KCNT2: variants seen among roughly 807,000 people sequenced by gnomAD.
The protein encoded by KCNT2 is potassium channel subfamily T member 2.
In KCNT2, 67 loss-of-function variants were observed where a neutral mutation model predicts 153.8. The ratio of observed to expected loss-of-function variants is 0.44; its 90% CI spans 0.36 to 0.53. The LOEUF (loss-of-function observed/expected upper bound fraction) is 0.53. Ranked by LOEUF, KCNT2 falls within the 20% of genes least tolerant of loss-of-function variation. The pLI is 0.00. For missense variants in KCNT2, 975 were observed against 1,354.8 expected (o/e 0.72, Z 4.40); for synonymous variants, 500 against 458.8 (o/e 1.09, Z -1.15).
chr1:196,521,839 T>C (rs1653466199), intron 1 of KCNT2, among the ~76,000 whole-genome samples: 1 of 152,056 alleles, frequency 6.6e-6, no homozygotes, highest in African/African-American at 2.4e-5. Flanking sequence ...AAAACAACTA[T>C]TGGGTACTAG....
intron 7 of KCNT2, among the ~76,000 whole-genome samples, chr1:196,466,844 G>A (rs1196207621): frequency 6.6e-6 from 1 of 152,004 alleles, no homozygotes; most frequent in Non-Finnish European, 1.5e-5. Context: ...ACTAAAGCCT[G>A]TGGTAAAAAT....
chr1:196,257,258 A>G, intron 26 of KCNT2: 1 of 985,154 alleles, frequency 1.0e-6, no homozygotes, highest in Non-Finnish European at 1.2e-6. Context: ...TGCTAACTTA[A>G]TATGTGGGTT....
At position 196,340,481 on chromosome 1, in the gene KCNT2, T is replaced by C; in HGVS notation, c.1643A>G (p.Asp548Gly). ...PGPRYIMNST[D>G]ICFYINITKE... is the part of the protein sequence containing the mutation. Reference sequence around the variant, plus strand: ...GGTAATATTAATATAAAAGCATATGTCTGTAGAATTCATAATGTATCGAGG... The same window carrying C: ...GGTAATATTAATATAAAAGCATATGCCTGTAGAATTCATAATGTATCGAGG... The change falls in exon 16 of 28, where the codon GAC becomes GGC. Residue 548 changes from aspartate (D) to glycine (G), a missense_variant. Asp to Gly is a moderately conservative substitution (Grantham distance 94). Coordinates refer to ENST00000294725, the MANE Select transcript of KCNT2 (RefSeq NM_198503.5). 1 of 1,611,598 alleles carries C rather than the reference T, an allele frequency of 6.2e-7. No individual in the cohort carries two copies. The highest frequency in any genetic ancestry group is 8.5e-7 in the Non-Finnish European group (1 of 1,178,200).
intron 2 of KCNT2, 25 bp from the exon 3 acceptor site, chr1:196,489,962 A>G: frequency 8.9e-7 from 1 of 1,122,040 alleles, no homozygotes; most frequent in Non-Finnish European, 1.3e-6. Flanking sequence ...TAAAAGTTTG[A>G]TTTTCATCTG....
At chr1:196,295,228 G>C (rs546910709) in intron 22 of KCNT2, among the ~76,000 whole-genome samples, 5 of 151,520 alleles carry the variant, frequency 3.3e-5, no homozygotes, top group African/African-American at 9.7e-5. Context: ...TAGAATAAAA[G>C]AATAAAACAT....
chr1:196,299,565 T>C (rs1353021639), intron 22 of KCNT2, among the ~76,000 whole-genome samples: 1 of 152,068 alleles, frequency 6.6e-6, no homozygotes, highest in African/African-American at 2.4e-5. Context: ...CCAGTTAGAA[T>C]GCCTATTATC....
intron 14 of KCNT2, among the ~76,000 whole-genome samples, chr1:196,359,475 T>C (rs1667446429): frequency 6.6e-6 from 1 of 152,024 alleles, no homozygotes; most frequent in Admixed American, 6.6e-5. Flanking sequence ...AACCAGGGCA[T>C]AGACCCAAAG....
chr1:196,566,111 A>G (rs1660079569), intron 1 of KCNT2, among the ~76,000 whole-genome samples: 1 of 152,014 alleles, frequency 6.6e-6, no homozygotes, highest in South Asian at 2.1e-4. Context: ...AATTTGTAAA[A>G]AAGAAATAAG....
intron 5 of KCNT2, among the ~76,000 whole-genome samples, chr1:196,476,960 C>T (rs930297383): frequency 4.6e-5 from 7 of 152,008 alleles, no homozygotes; most frequent in African/African-American, 9.7e-5. Flanking sequence ...ACTCAATAGC[C>T]TTTTCTCAAG....
In KCNT2 at chr1:196,342,233, A is replaced by G; in HGVS notation, c.1404-5T>C. 1 of 1,610,848 alleles carries G rather than the reference A, an allele frequency of 6.2e-7. No homozygotes were observed. ...TCTGGCGATTGCTGGCCTTCTCTGC[A>G]ACACAGGCACACACACATACACACA... On this transcript the variant is annotated splice_region_variant and splice_polypyrimidine_tract_variant and intron_variant, in intron 14 of 27. Coordinates refer to ENST00000294725, the MANE Select transcript of KCNT2 (RefSeq NM_198503.5).
At chr1:196,451,012 CCA>C (rs1198357014) in intron 8 of KCNT2, among the ~76,000 whole-genome samples, 1 of 151,686 alleles carries the variant, frequency 6.6e-6, no homozygotes, top group African/African-American at 2.4e-5. Flanking sequence ...TCCATCCTCG[CCA>C]CAGATTTATT....
intron 19 of KCNT2, among the ~76,000 whole-genome samples, chr1:196,324,301 C>G (rs1663629912): frequency 1.3e-5 from 2 of 151,786 alleles, no homozygotes; most frequent in South Asian, 4.2e-4. Context: ...TATGAGCAAG[C>G]AACATGTATT....
intron 1 of KCNT2, among the ~76,000 whole-genome samples, chr1:196,599,700 G>A (rs1664496752): frequency 6.6e-6 from 1 of 152,204 alleles, no homozygotes; most frequent in South Asian, 2.1e-4. Flanking sequence ...CATCAGCCAT[G>A]CTTGACAATT....
chr1:196,413,978 C>T (rs577195335), intron 12 of KCNT2, among the ~76,000 whole-genome samples: 1 of 151,532 alleles, frequency 6.6e-6, no homozygotes, highest in Non-Finnish European at 1.5e-5. Flanking sequence ...ATAACTTATT[C>T]AGTTAATTTT....
intron 1 of KCNT2, among the ~76,000 whole-genome samples, chr1:196,505,984 C>T (rs966051598): frequency 5.9e-5 from 9 of 152,120 alleles, no homozygotes; most frequent in African/African-American, 2.2e-4. Context: ...AGATTTTGGG[C>T]TGAGACAATG....
chr1:196,557,608 C>T (rs562733605), intron 1 of KCNT2, among the ~76,000 whole-genome samples: 1 of 150,990 alleles, frequency 6.6e-6, no homozygotes, highest in South Asian at 2.1e-4. Flanking sequence ...AATAGTCTGG[C>T]CCATCATGTA....
At chr1:196,583,991 G>T (rs10922089) in intron 1 of KCNT2, among the ~76,000 whole-genome samples, 2 of 151,880 alleles carry the variant, frequency 1.3e-5, no homozygotes, top group Non-Finnish European at 2.9e-5. Context: ...ATGTTGCCAC[G>T]TAAGTTTCCA....
At chr1:196,259,423 C>G (rs553135549) in intron 25 of KCNT2, among the ~76,000 whole-genome samples, 1 of 152,202 alleles carries the variant, frequency 6.6e-6, no homozygotes, top group East Asian at 1.9e-4. Flanking sequence ...GTCTTACTTT[C>G]TAAAAACATG....
intron 21 of KCNT2, among the ~76,000 whole-genome samples, chr1:196,311,223 T>C (rs1662144467): frequency 6.6e-6 from 1 of 151,786 alleles, no homozygotes; most frequent in South Asian, 2.1e-4. Context: ...TAATACCTTC[T>C]CTGTTAGACT....
Sources: allele counts gnomAD v4.1 joint callset (sites outside exome capture counted in the v4.1 genomes callset), GRCh38; gene constraint gnomAD v4.1.1; transcripts MANE v1.5; gene names NCBI Gene and HGNC (gene_info 2026-07-23, HGNC 2026-07-21).